CENPN: variants seen among roughly 807,000 people sequenced by gnomAD.
CENPN encodes the protein interphase centromere complex protein 32.
Under a neutral mutation model 48.6 loss-of-function variants are expected in CENPN, and 36 were observed. That is an observed-to-expected ratio of 0.74 (90% CI 0.57 to 0.98). The LOEUF (loss-of-function observed/expected upper bound fraction) is 0.98, where lower values mean the gene tolerates loss of function less well. CENPN is among the 50% of genes least tolerant of loss of function. The pLI, the probability that CENPN is intolerant of heterozygous loss-of-function variation, is 0.00. For missense variants in CENPN, 439 were observed against 399.2 expected (o/e 1.10, Z -0.85); for synonymous variants, 166 against 135.2 (o/e 1.23, Z -1.58).
Position 81,029,168 on chromosome 16 carries a change from C to G in CENPN, c.*517C>G. On this transcript the variant is annotated 3_prime_UTR_variant, in exon 11 of 11. Transcript: ENST00000305850. ...AGTTGAGTCCATTCTGTTATTGTTGCAAGAGGTTGCATATTTGGTGAGTCA... is the reference window on the plus strand; with the variant it reads ...AGTTGAGTCCATTCTGTTATTGTTGGAAGAGGTTGCATATTTGGTGAGTCA... 2.0e-6 allele frequency: 2 copies of G among 983,156 alleles called. No homozygotes were observed. The highest frequency in any genetic ancestry group is 2.4e-6 in the Non-Finnish European group (2 of 827,992). 60.9% of individuals were successfully genotyped at this position (983,156 alleles called of 1,614,324 possible).
intron 8 of CENPN, among the ~76,000 whole-genome samples, chr16:81,024,997 C>G (rs1010711115): frequency 6.6e-6 from 1 of 152,174 alleles, no homozygotes; most frequent in African/African-American, 2.4e-5. Flanking sequence ...ACAATAATTA[C>G]AAAAACAAAA....
rs1970636484 is a variant in CENPN at position 81,028,832 on chromosome 16, C to G, written c.*181C>G. 7.2e-7 allele frequency: 1 copy of G among 1,381,606 alleles called. No individual in the cohort carries two copies. The highest frequency in any genetic ancestry group is 1.7e-5 in the South Asian group (1 of 57,410). 85.6% of individuals were successfully genotyped at this position (1,381,606 alleles called of 1,614,324 possible). On this transcript the variant is annotated 3_prime_UTR_variant, in exon 11 of 11. Coordinates refer to ENST00000305850, the MANE Select transcript of CENPN (RefSeq NM_001100624.3). The stretch of plus-strand genomic sequence containing the variant: ...TTCATTCCTCCACGATATGCCTCCT[C>G]TCTCTGATATCCTGCTAACTGTAGC...
At chr16:81,024,531 TGCAG>T (rs1474104211) in intron 7 of CENPN, 180 bp from the exon 8 acceptor site, 1 of 480,402 alleles carries the variant, frequency 2.1e-6, no homozygotes, top group Admixed American at 3.5e-5. Context: ...ACAGTCGAGT[TGCAG>T]GCTCAGCAGC....
intron 1 of CENPN, among the ~76,000 whole-genome samples, chr16:81,011,427 A>C (rs1969736673): frequency 2.6e-5 from 4 of 152,232 alleles, no homozygotes; most frequent in Admixed American, 2.0e-4. Context: ...TTGGCCAAAG[A>C]CATATGTATC....
chr16:81,021,573 T>G (rs1567552066), intron 6 of CENPN, among the ~76,000 whole-genome samples: 1 of 152,080 alleles, frequency 6.6e-6, no homozygotes, highest in Non-Finnish European at 1.5e-5. Context: ...ACTACTTGCT[T>G]GTCATTTAAG....
Position 81,009,666 on chromosome 16 carries a change from T to C in CENPN, c.-10-2264T>C, listed in dbSNP as rs146245619. Among the ~76,000 whole-genome samples the C allele has an allele frequency of 2.1e-3, 321 of 152,352 alleles. 4 individuals carry two copies. The highest frequency in any genetic ancestry group is 7.2e-3 in the African/African-American group (298 of 41,580). On this transcript the variant is annotated intron_variant, in intron 1 of 10. Transcript: ENST00000305850. Reference sequence around the variant, plus strand: ...TTTTCAGTATATTGTTAAAATACAGTCAACTATTTCTTTTCAGAAGTGGAC... The same window carrying C: ...TTTTCAGTATATTGTTAAAATACAGCCAACTATTTCTTTTCAGAAGTGGAC...
chr16:81,022,799 C>A, intron 7 of CENPN, 101 bp downstream of exon 7: 1 of 1,613,776 alleles, frequency 6.2e-7, no homozygotes, highest in South Asian at 1.1e-5. Flanking sequence ...AAGAGGAGAT[C>A]ATTTTAGATA....
intron 5 of CENPN, 97 bp from the exon 6 acceptor site, chr16:81,020,003 A>C: frequency 1.0e-6 from 1 of 994,084 alleles, no homozygotes; most frequent in Non-Finnish European, 1.5e-6. Flanking sequence ...ACAAGAGTAT[A>C]GGGACATCAT....
chr16:81,028,952 C>T lies in CENPN; in HGVS notation c.*301C>T, dbSNP rs750280202. The T allele has an allele frequency of 2.3e-5, 24 of 1,047,500 alleles. No individual in the cohort carries two copies. The highest frequency in any genetic ancestry group is 1.3e-4 in the South Asian group (3 of 23,992). The allele number at this position is 1,047,500 out of a possible 1,614,324, so 64.9% of individuals were successfully genotyped here. A position where few individuals can be genotyped will look rare whatever the true frequency, so the allele number is the denominator to read the frequency against. On this transcript the variant is annotated 3_prime_UTR_variant, in exon 11 of 11. Transcript: ENST00000305850. ...CTCTGAAATCAAGCATATGGCACAG[C>T]GCTCAAGACTTTTGGGTTTGTGTCC... is the stretch of plus-strand genomic sequence containing the variant.
Position 81,028,859 on chromosome 16 carries a change from G to A in CENPN, c.*208G>A, listed in dbSNP as rs903291528. 3.3e-5 allele frequency: 43 copies of A among 1,322,134 alleles called. 1 individual carries two copies. In the South Asian group the frequency reaches 4.4e-4, roughly 14 times the overall value. The allele number at this position is 1,322,134 out of a possible 1,614,324, so 81.9% of individuals were successfully genotyped here. A position where few individuals can be genotyped will look rare whatever the true frequency, so the allele number is the denominator to read the frequency against. On this transcript the variant is annotated 3_prime_UTR_variant, in exon 11 of 11. Coordinates refer to ENST00000305850, the MANE Select transcript of CENPN (RefSeq NM_001100624.3). Reference sequence around the variant, plus strand: ...CTCTGATATCCTGCTAACTGTAGCCGTTGTGGCATTTGAGATGACAGGACA... The same window carrying A: ...CTCTGATATCCTGCTAACTGTAGCCATTGTGGCATTTGAGATGACAGGACA...
chr16:81,024,888 G>T, intron 8 of CENPN, 110 bp downstream of exon 8: 1 of 610,800 alleles, frequency 1.6e-6, no homozygotes. Context: ...AACTTTTATT[G>T]TTTTCAGAAA....
In CENPN at chr16:81,022,663, T is replaced by G. The variant is rs774674150; in HGVS notation, c.598T>G (p.Ser200Ala). 2 of 1,614,068 alleles carry G rather than the reference T, an allele frequency of 1.2e-6. No individual in the cohort carries two copies. The highest frequency in any genetic ancestry group is 1.7e-5 in the Admixed American group (1 of 60,018). ...GGACCTGAGAAGTCGGTATCTGGACTCTCTTAAGGCTATTGTTTTTAAACA... is the reference window on the plus strand; with the variant it reads ...GGACCTGAGAAGTCGGTATCTGGACGCTCTTAAGGCTATTGTTTTTAAACA... ...KMDLRSRYLD[S>A]LKAIVFKQYN... Residue 200 changes from serine to alanine, a missense_variant, in exon 7 of 11, where the codon TCT becomes GCT. Transcript: ENST00000305850.
At chr16:81,025,547 C>A (rs952961775) in intron 8 of CENPN, among the ~76,000 whole-genome samples, 3 of 152,028 alleles carry the variant, frequency 2.0e-5, no homozygotes, top group Non-Finnish European at 1.5e-5. Context: ...GTGTATCTTA[C>A]GATTCCAGTT....
intron 7 of CENPN, chr16:81,024,269 C>A (rs1027590145): frequency 6.6e-6 from 1 of 151,804 alleles, no homozygotes; most frequent in Non-Finnish European, 1.5e-5. Flanking sequence ...GGCATTCTTA[C>A]GAAAATCCAC....
rs1970675036 is a variant in CENPN at position 81,029,601 on chromosome 16, A to T, written c.*950A>T. 6.6e-6 allele frequency among the ~76,000 whole-genome samples: 1 copy of T among 151,756 alleles called. No individual in the cohort carries two copies. The highest frequency in any genetic ancestry group is 2.4e-5 in the African/African-American group (1 of 41,302). ...TGTTTGTTTTTTGTTTTTTGAGACA[A>T]GTCTCCTTCTATCGCCCAGGCTGGA... On this transcript the variant is annotated 3_prime_UTR_variant, in exon 11 of 11. Coordinates refer to ENST00000305850, the MANE Select transcript of CENPN (RefSeq NM_001100624.3).
At chr16:81,011,761 G>A in intron 1 of CENPN, among the ~76,000 whole-genome samples, 169 bp from the exon 2 acceptor site, 1 of 152,192 alleles carries the variant, frequency 6.6e-6, no homozygotes, top group East Asian at 1.9e-4. Flanking sequence ...CCAGCACTTT[G>A]GCAGGTTGAG....
chr16:81,022,259 T>A, intron 6 of CENPN: 1 of 256,854 alleles, frequency 3.9e-6, no homozygotes, highest in Non-Finnish European at 7.6e-6. Context: ...TATGGCAATA[T>A]CATTATGGTA....
intron 6 of CENPN, among the ~76,000 whole-genome samples, chr16:81,021,208 ATT>A (rs1315009801): frequency 1.3e-5 from 2 of 152,122 alleles, no homozygotes; most frequent in African/African-American, 2.4e-5. Flanking sequence ...ATTTGTAACC[ATT>A]TCTCCCACAT....
rs188630970 is a variant in CENPN at position 81,020,167 on chromosome 16, A to T, written c.422A>T (p.Tyr141Phe). Reference protein sequence around the residue: ...VWIRIAWGTQYTKPNQYKPTY... With the variant: ...VWIRIAWGTQFTKPNQYKPTY... The stretch of plus-strand genomic sequence containing the variant: ...ATTCGAATTGCCTGGGGAACACAGT[A>T]CACAAAGCCAAACCAGTACAAACCT... The change falls in exon 6 of 11, where the codon TAC becomes TTC. Residue 141 changes from tyrosine to phenylalanine, a missense_variant. Coordinates refer to ENST00000305850, the MANE Select transcript of CENPN (RefSeq NM_001100624.3). 11 of 1,614,022 alleles carry T rather than the reference A, an allele frequency of 6.8e-6. No individual in the cohort carries two copies. The Admixed American group carries it at 1.2e-4, about 17-fold the overall frequency.
Sources: allele counts gnomAD v4.1 joint callset (sites outside exome capture counted in the v4.1 genomes callset), GRCh38; gene constraint gnomAD v4.1.1; transcripts MANE v1.5; gene names NCBI Gene and HGNC (gene_info 2026-07-23, HGNC 2026-07-21).